The following CSMD1 variants were observed in gnomAD, a reference collection of about 807,000 sequenced individuals.
The protein encoded by CSMD1 is CUB and sushi domain-containing protein 1.
In CSMD1, 213 loss-of-function variants were observed where a neutral mutation model predicts 417.5. That is an observed-to-expected ratio of 0.51 (90% CI 0.46 to 0.57). The LOEUF (loss-of-function observed/expected upper bound fraction) is 0.57. CSMD1 is among the 20% of genes least tolerant of loss of function. The pLI, the probability that CSMD1 is intolerant of heterozygous loss-of-function variation, is 0.00. For missense variants in CSMD1, 6,923 were observed against 4,529.7 expected (o/e 1.53, Z -15.17); for synonymous variants, 2,862 against 1,736.8 (o/e 1.65, Z -16.11).
chr8:3,267,974 A>C (rs1470409705), intron 26 of CSMD1, among the ~76,000 whole-genome samples: 1 of 152,116 alleles, frequency 6.6e-6, no homozygotes, highest in Non-Finnish European at 1.5e-5. Flanking sequence ...GGATTCCATG[A>C]AGACAGGGTC....
At chr8:4,006,427 C>A (rs528907177) in intron 4 of CSMD1, among the ~76,000 whole-genome samples, 2 of 152,278 alleles carry the variant, frequency 1.3e-5, no homozygotes, top group East Asian at 3.9e-4. Context: ...GCCTGTAATT[C>A]CAGCTTCTTG....
At chr8:4,272,308 A>C (rs1290350975) in intron 3 of CSMD1, among the ~76,000 whole-genome samples, 1 of 152,126 alleles carries the variant, frequency 6.6e-6, no homozygotes, top group Non-Finnish European at 1.5e-5. Context: ...TTTCCTTGCC[A>C]ATGTCATAAC....
chr8:4,655,505 A>G (rs1416863088), intron 1 of CSMD1, among the ~76,000 whole-genome samples: 1 of 152,182 alleles, frequency 6.6e-6, no homozygotes, highest in Non-Finnish European at 1.5e-5. Context: ...GATGATCAGA[A>G]TTTAAGAGGA....
chr8:3,948,863 C>A (rs149170800), intron 5 of CSMD1, among the ~76,000 whole-genome samples: 6 of 152,048 alleles, frequency 3.9e-5, no homozygotes, highest in African/African-American at 7.2e-5. Context: ...TCAATGTTCT[C>A]ATTATTCAGA....
intron 1 of CSMD1, among the ~76,000 whole-genome samples, chr8:4,710,972 G>C (rs1028444444): frequency 6.6e-6 from 1 of 152,058 alleles, no homozygotes. Context: ...TGGTGCTCTT[G>C]GATGTGTACT....
At chr8:3,676,332 G>A (rs548509787) in intron 7 of CSMD1, among the ~76,000 whole-genome samples, 1 of 152,154 alleles carries the variant, frequency 6.6e-6, no homozygotes, top group Non-Finnish European at 1.5e-5. Flanking sequence ...TGAAGAGCAG[G>A]TGGAGGTGGG....
intron 3 of CSMD1, among the ~76,000 whole-genome samples, chr8:4,221,095 A>C (rs570361650): frequency 6.6e-6 from 1 of 152,324 alleles, no homozygotes; most frequent in African/African-American, 2.4e-5. Flanking sequence ...TCATTTAAAC[A>C]AGAGAGGAAT....
At chr8:3,523,130 C>T (rs1032634363) in intron 10 of CSMD1, among the ~76,000 whole-genome samples, 1 of 151,876 alleles carries the variant, frequency 6.6e-6, no homozygotes, top group South Asian at 2.1e-4. Context: ...TTCCTAAACA[C>T]GTAGAAAATT....
intron 51 of CSMD1, among the ~76,000 whole-genome samples, chr8:3,024,249 T>G (rs1239037498): frequency 2.0e-5 from 3 of 148,114 alleles, no homozygotes; most frequent in Non-Finnish European, 4.4e-5. Flanking sequence ...GTTTATTGAT[T>G]TTTTTCTTGT....
chr8:3,540,093 T>C (rs1798375203), intron 10 of CSMD1, among the ~76,000 whole-genome samples: 1 of 152,226 alleles, frequency 6.6e-6, no homozygotes, highest in Non-Finnish European at 1.5e-5. Flanking sequence ...TCTCTGTGAT[T>C]CTAGTTGCTT....
rs560947072 is a variant in CSMD1 at position 3,560,240 on chromosome 8, G to C, written c.1344+14705C>G. ...AAAGAAGAAATTATATTAATAGAAGGATAATATTAACAGTAGTACTGTTAA... is the reference window on the plus strand; with the variant it reads ...AAAGAAGAAATTATATTAATAGAAGCATAATATTAACAGTAGTACTGTTAA... On this transcript the variant is annotated intron_variant, in intron 10 of 69. Transcript: ENST00000635120. 3.9e-5 allele frequency among the ~76,000 whole-genome samples: 6 copies of C among 152,192 alleles called. No individual in the cohort carries two copies. The South Asian group carries it at 8.3e-4, about 21-fold the overall frequency.
At chr8:4,142,254 G>A (rs199785890) in intron 3 of CSMD1, among the ~76,000 whole-genome samples, 4 of 151,028 alleles carry the variant, frequency 2.6e-5, no homozygotes, top group African/African-American at 9.9e-5. Flanking sequence ...TAATACAACA[G>A]GGTTTTCCTT....
At chr8:3,210,141 A>G (rs1252675892) in intron 30 of CSMD1, among the ~76,000 whole-genome samples, 1 of 152,204 alleles carries the variant, frequency 6.6e-6, no homozygotes, top group Non-Finnish European at 1.5e-5. Flanking sequence ...CCCGAGGTTA[A>G]CTGTTGATCT....
At chr8:4,062,469 A>C (rs768174656) in intron 3 of CSMD1, among the ~76,000 whole-genome samples, 1 of 152,194 alleles carries the variant, frequency 6.6e-6, no homozygotes, top group African/African-American at 2.4e-5. Context: ...TGTCAGAATC[A>C]AATGCACTAC....
intron 41 of CSMD1, among the ~76,000 whole-genome samples, chr8:3,131,961 C>T (rs1341796369): frequency 1.3e-5 from 2 of 152,188 alleles, no homozygotes; most frequent in Non-Finnish European, 2.9e-5. Flanking sequence ...ATGGTCTTAA[C>T]AGGGGATGCA....
intron 3 of CSMD1, among the ~76,000 whole-genome samples, chr8:4,236,321 T>C (rs79206983): frequency 1.1e-3 from 175 of 152,174 alleles, no homozygotes; most frequent in Admixed American, 2.9e-3. Context: ...CAGTATAGTA[T>C]AGTAGTTTAG....
intron 2 of CSMD1, among the ~76,000 whole-genome samples, chr8:4,629,106 C>G (rs570575985): frequency 6.6e-6 from 1 of 152,072 alleles, no homozygotes; most frequent in Non-Finnish European, 1.5e-5. Flanking sequence ...TTTGAATTTT[C>G]AAACATTATC....
At chr8:4,058,462 C>T (rs1003525050) in intron 3 of CSMD1, among the ~76,000 whole-genome samples, 2 of 152,164 alleles carry the variant, frequency 1.3e-5, no homozygotes, top group African/African-American at 2.4e-5. Flanking sequence ...TCCAGATACA[C>T]AATCACGTCA....
chr8:3,457,493 C>T (rs747654311), intron 12 of CSMD1, among the ~76,000 whole-genome samples: 14 of 152,190 alleles, frequency 9.2e-5, no homozygotes, highest in South Asian at 2.1e-4. Flanking sequence ...AAAAGAAACG[C>T]ATTGGAGCTG....
Sources: allele counts gnomAD v4.1 joint callset (sites outside exome capture counted in the v4.1 genomes callset), GRCh38; gene constraint gnomAD v4.1.1; transcripts MANE v1.5; gene names NCBI Gene and HGNC (gene_info 2026-07-23, HGNC 2026-07-21).